The following B3GNT6 variants were observed in gnomAD, a reference collection of about 807,000 sequenced individuals.
B3GNT6 encodes the protein acetylgalactosaminyl-O-glycosyl-glycoprotein beta-1,3-N-acetylglucosaminyltransferase.
For synonymous variants in B3GNT6, 300 were observed against 270.0 expected, an observed-to-expected ratio of 1.11 and a Z score of -1.09; for missense variants, 624 against 568.6, an observed-to-expected ratio of 1.10 and a Z score of -0.99.
At chr11:77,034,929 C>G (rs538386886) in intron 1 of B3GNT6, among the ~76,000 whole-genome samples, 8 of 152,174 alleles carry the variant, frequency 5.3e-5, no homozygotes, top group Non-Finnish European at 1.2e-4. Flanking sequence ...GAGGCCATGG[C>G]GGGTGGCTCA....
Position 77,040,022 on chromosome 11 carries a change from G to A in B3GNT6, c.471G>A (p.Leu157=), listed in dbSNP as rs1949671310. 4 of 1,577,306 alleles carry A rather than the reference G, an allele frequency of 2.5e-6. No individual in the cohort carries two copies. The highest frequency in any genetic ancestry group is 1.8e-4 in the Middle Eastern group (1 of 5,434). Reference sequence around the variant, plus strand: ...GGCCAGTGCGCCGCCTCTTTCTATTGGGCACCCCGGGCCCCGAGGACGAGG... The same window carrying A: ...GGCCAGTGCGCCGCCTCTTTCTATTAGGCACCCCGGGCCCCGAGGACGAGG... The part of the protein sequence containing the change: ...GGRPVRRLFL[L]GTPGPEDEAR... Residue 157 remains leucine, a synonymous_variant, in exon 2 of 2, where the codon TTG becomes TTA. Transcript: ENST00000622824.
rs554925193 is a variant in B3GNT6, at chr11:77,041,569, G to T, written c.*863G>T. On this transcript the variant is annotated 3_prime_UTR_variant, in exon 2 of 2. Coordinates refer to ENST00000622824, the MANE Select transcript of B3GNT6 (RefSeq NM_138706.5). ...GGGAGTCCGAAGTGGAGAAAGGCTGGTGGGAACATGGAGGCCAGTGTTGGG... is the reference window on the plus strand; with the variant it reads ...GGGAGTCCGAAGTGGAGAAAGGCTGTTGGGAACATGGAGGCCAGTGTTGGG... The T allele has an allele frequency of 6.5e-6, 1 of 152,878 alleles. No homozygotes were observed. The highest frequency in any genetic ancestry group is 2.1e-4 in the South Asian group (1 of 4,836). 9.5% of individuals were successfully genotyped at this position (152,878 alleles called of 1,614,324 possible).
chr11:77,039,511 AGAC>A, intron 1 of B3GNT6, 38 bp from the exon 2 acceptor site: 1 of 1,528,616 alleles, frequency 6.5e-7, no homozygotes, highest in Non-Finnish European at 8.8e-7. Flanking sequence ...CCGGTGTCAA[AGAC>A]GACTTCCGGC....
chr11:77,040,247 A>T lies in B3GNT6; in HGVS notation c.696A>T (p.Val232=). Residue 232 remains valine (V), a synonymous_variant, in exon 2 of 2, where the codon GTA becomes GTT. Coordinates refer to ENST00000622824, the MANE Select transcript of B3GNT6 (RefSeq NM_138706.5). ...ACGTGTTCGTGCACACCGCCAACGTAGTCCGCTTCCTGCAGGCGCAGCCAC... is the reference window on the plus strand; with the variant it reads ...ACGTGTTCGTGCACACCGCCAACGTTGTCCGCTTCCTGCAGGCGCAGCCAC... ...DDDVFVHTAN[V]VRFLQAQPPG... is the part of the protein sequence containing the mutation. 1 of 1,598,736 alleles carries T rather than the reference A, an allele frequency of 6.3e-7. No individual in the cohort carries two copies. The highest frequency in any genetic ancestry group is 8.5e-7 in the Non-Finnish European group (1 of 1,179,400).
At position 77,039,875 on chromosome 11, in the gene B3GNT6, G is replaced by C; in HGVS notation, c.324G>C (p.Pro108=). The C allele has an allele frequency of 6.3e-7, 1 of 1,589,554 alleles. No individual in the cohort carries two copies. The highest frequency in any genetic ancestry group is 1.7e-4 in the Middle Eastern group (1 of 6,038). ...ACTTCCCGCTGCTTTGGGACGCACCGGCCAAGTGCGCCGGCGGCCGAGGCG... is the reference window on the plus strand; with the variant it reads ...ACTTCCCGCTGCTTTGGGACGCACCCGCCAAGTGCGCCGGCGGCCGAGGCG... ...CRHFPLLWDA[P]AKCAGGRGVF... Residue 108 remains proline (P), a synonymous_variant, in exon 2 of 2, where the codon CCG becomes CCC. Coordinates refer to ENST00000622824, the MANE Select transcript of B3GNT6 (RefSeq NM_138706.5).
chr11:77,038,469 CAA>C (rs1185477374), intron 1 of B3GNT6, among the ~76,000 whole-genome samples: 1 of 151,440 alleles, frequency 6.6e-6, no homozygotes, highest in East Asian at 1.9e-4. Flanking sequence ...TCAACTACTC[CAA>C]AAGCTGAAGT....
In B3GNT6 at chr11:77,040,160, C is replaced by G; in HGVS notation, c.609C>G (p.His203Gln). ...TCAACCTCACGCTCAAGCACCTGCA[C>G]TTGCTCGACTGGCTGGCTGCACGCT... is the stretch of plus-strand genomic sequence containing the variant. ...TFLNLTLKHL[H>Q]LLDWLAARCP... The change falls in exon 2 of 2, where the codon CAC (histidine) becomes CAG (glutamine). Residue 203 changes from histidine to glutamine, a missense_variant. By Grantham distance (24) the His-to-Gln change is conservative. Transcript: ENST00000622824. 1 of 1,599,522 alleles carries G rather than the reference C, an allele frequency of 6.3e-7. No homozygotes were observed. The highest frequency in any genetic ancestry group is 8.5e-7 in the Non-Finnish European group (1 of 1,179,466).
intron 1 of B3GNT6, among the ~76,000 whole-genome samples, chr11:77,038,016 G>T (rs1949648428): frequency 6.6e-4 from 1 of 1,508 alleles, no homozygotes; most frequent in Non-Finnish European, 1.4e-3. Flanking sequence ...AGGGGGATAT[G>T]GGAGGAGGGG....
chr11:77,037,497 G>T (rs1949642307), intron 1 of B3GNT6, among the ~76,000 whole-genome samples: 1 of 152,108 alleles, frequency 6.6e-6, no homozygotes, highest in Non-Finnish European at 1.5e-5. Flanking sequence ...GTTAAGTCAG[G>T]CGGCTGGATG....
chr11:77,040,352 G>A lies in B3GNT6; in HGVS notation c.801G>A (p.Pro267=). 2 of 1,543,254 alleles carry A rather than the reference G, an allele frequency of 1.3e-6. No homozygotes were observed. The highest frequency in any genetic ancestry group is 1.7e-6 in the Non-Finnish European group (2 of 1,151,088). Residue 267 remains proline, a synonymous_variant, in exon 2 of 2, where the codon CCG becomes CCA. Coordinates refer to ENST00000622824, the MANE Select transcript of B3GNT6 (RefSeq NM_138706.5). ...ACAGCTGGAGCAAGTACTTCGTGCC[G>A]CCGCAGCTCTTCCCCGGGTCCGCTT... The part of the protein sequence containing the change: ...IRDSWSKYFV[P]PQLFPGSAYP...
In B3GNT6 at chr11:77,039,589, C is replaced by T. The variant is rs1555027376; in HGVS notation, c.38C>T (p.Thr13Ile). ...FPCRRSLTAK[T>I]LACLLVGVSF... The stretch of plus-strand genomic sequence containing the variant: ...TGCCGCAGGTCCCTGACTGCCAAGA[C>T]TCTGGCCTGCCTCCTGGTGGGCGTG... The change falls in exon 2 of 2, where the codon ACT (threonine) becomes ATT (isoleucine). Residue 13 changes from threonine to isoleucine, a missense_variant. Transcript: ENST00000622824. 1 of 1,606,102 alleles carries T rather than the reference C, an allele frequency of 6.2e-7. No individual in the cohort carries two copies. The highest frequency in any genetic ancestry group is 1.3e-5 in the African/African-American group (1 of 74,392).
In B3GNT6 at chr11:77,040,689, G is replaced by T. The variant is rs1445680939; in HGVS notation, c.1138G>T (p.Gly380Ter). The T allele has an allele frequency of 4.4e-6, 7 of 1,582,790 alleles. No homozygotes were observed. In the Admixed American group the frequency reaches 1.0e-4, roughly 23 times the overall value. The change falls in exon 2 of 2, where the codon GGA (glycine) becomes TGA (stop). Residue 380 changes from glycine to a stop codon, truncating the protein, a stop_gained. Transcript: ENST00000622824. LOFTEE classifies it low-confidence loss of function (END_TRUNC). The part of the protein sequence containing the change: ...LHSPALSCDR[G>*]HRVS ...CAGCCCCGCGCTCAGCTGTGACCGGGGACACCGGGTCTCCTGAGGCCAGTT... is the reference window on the plus strand; with the variant it reads ...CAGCCCCGCGCTCAGCTGTGACCGGTGACACCGGGTCTCCTGAGGCCAGTT...
intron 1 of B3GNT6, chr11:77,037,208 A>G (rs2135374528): frequency 6.6e-6 from 1 of 152,322 alleles, no homozygotes; most frequent in African/African-American, 2.4e-5. Context: ...CGAGAGCAAG[A>G]TGGTGTGTAG....
chr11:77,037,864 G>A (rs1311575849), intron 1 of B3GNT6, among the ~76,000 whole-genome samples: 1 of 133,894 alleles, frequency 7.5e-6, no homozygotes. Flanking sequence ...AGTGAGCCAC[G>A]ATCACACCAC....
intron 1 of B3GNT6, among the ~76,000 whole-genome samples, chr11:77,036,576 C>T (rs1316123818): frequency 1.3e-5 from 2 of 152,230 alleles, no homozygotes; most frequent in Non-Finnish European, 2.9e-5. Context: ...ATAATCCTAA[C>T]AGCTAATATT....
chr11:77,040,019 A>C lies in B3GNT6; in HGVS notation c.468A>C (p.Leu156=), dbSNP rs371112742. The change falls in exon 2 of 2, where the codon CTA becomes CTC. Residue 156 remains leucine, a synonymous_variant. Coordinates refer to ENST00000622824, the MANE Select transcript of B3GNT6 (RefSeq NM_138706.5). ...GGCGGCCAGTGCGCCGCCTCTTTCTATTGGGCACCCCGGGCCCCGAGGACG... is the reference window on the plus strand; with the variant it reads ...GGCGGCCAGTGCGCCGCCTCTTTCTCTTGGGCACCCCGGGCCCCGAGGACG... ...YGGRPVRRLF[L]LGTPGPEDEA... is the part of the protein sequence containing the mutation. 3.8e-6 allele frequency: 6 copies of C among 1,579,340 alleles called. No homozygotes were observed. The highest frequency in any genetic ancestry group is 5.1e-6 in the Non-Finnish European group (6 of 1,171,284).
intron 1 of B3GNT6, among the ~76,000 whole-genome samples, chr11:77,038,896 C>G (rs1180881912): frequency 6.6e-6 from 1 of 152,184 alleles, no homozygotes; most frequent in African/African-American, 2.4e-5. Flanking sequence ...ATGCTCACAA[C>G]AGCCCTGCAG....
chr11:77,036,864 G>A (rs1275045853), intron 1 of B3GNT6, among the ~76,000 whole-genome samples: 3 of 152,204 alleles, frequency 2.0e-5, no homozygotes, highest in Non-Finnish European at 4.4e-5. Context: ...TAGGAGGGAA[G>A]ATAATCTTTA....
intron 1 of B3GNT6, among the ~76,000 whole-genome samples, chr11:77,036,364 G>C (rs1327512382): frequency 6.6e-6 from 1 of 152,180 alleles, no homozygotes; most frequent in Non-Finnish European, 1.5e-5. Context: ...CACTTTTGCA[G>C]GGTTCTCACA....
Sources: gnomAD v4.1 joint callset for allele counts (sites outside exome capture counted in the v4.1 genomes callset) on GRCh38, gnomAD v4.1.1 for gene constraint, MANE v1.5 for transcripts, NCBI Gene and HGNC (gene_info 2026-07-23, HGNC 2026-07-21) for gene names.